Variants in EYS observed in about 807,000 individuals in gnomAD.
The protein encoded by EYS is EGF-like photoreceptor maintenance factor, also known as protein eyes shut homolog.
EYS carries 250 observed loss-of-function variants against 282.1 expected under a neutral mutation model. The ratio of observed to expected loss-of-function variants is 0.89; its 90% CI spans 0.80 to 0.98. EYS has a LOEUF of 0.98. EYS is among the 50% of genes least tolerant of loss of function. EYS has a pLI of 0.00. For missense variants in EYS, 4,016 were observed against 3,709.0 expected (o/e 1.08, Z -2.15); for synonymous variants, 1,355 against 1,282.9 (o/e 1.06, Z -1.20).
Position 64,596,285 on chromosome 6 carries a change from C to T in EYS, c.3685-2976G>A, listed in dbSNP as rs1198061021. 2.6e-5 allele frequency among the ~76,000 whole-genome samples: 4 copies of T among 152,056 alleles called. 1 individual carries two copies. The highest frequency in any genetic ancestry group is 2.6e-4 in the Admixed American group (4 of 15,248). Reference sequence around the variant, plus strand: ...TATTCAAACTTTATGAATGACCATGCTATTCAAAGCAATCTACAGATTCAA... The same window carrying T: ...TATTCAAACTTTATGAATGACCATGTTATTCAAAGCAATCTACAGATTCAA... On this transcript the variant is annotated intron_variant, in intron 24 of 42. Coordinates refer to ENST00000503581, the MANE Select transcript of EYS (RefSeq NM_001142800.2).
At chr6:65,690,817 G>A (rs1293502355) in intron 1 of EYS, among the ~76,000 whole-genome samples, 2 of 149,802 alleles carry the variant, frequency 1.3e-5, no homozygotes, top group Non-Finnish European at 3.0e-5. Context: ...TCACTTATGA[G>A]TGAGAACATG....
chr6:65,680,136 A>T (rs1446225549), intron 1 of EYS, among the ~76,000 whole-genome samples: 1 of 151,134 alleles, frequency 6.6e-6, no homozygotes, highest in Non-Finnish European at 1.5e-5. Flanking sequence ...TTCTCAATCA[A>T]TATAAGTTAC....
chr6:63,889,352 A>G (rs528997920), intron 35 of EYS, among the ~76,000 whole-genome samples: 4 of 152,298 alleles, frequency 2.6e-5, no homozygotes, highest in Admixed American at 2.6e-4. Flanking sequence ...AATAAGGGAA[A>G]AGATGTTAAG....
At chr6:64,137,795 A>T (rs978128593) in intron 31 of EYS, among the ~76,000 whole-genome samples, 1 of 152,200 alleles carries the variant, frequency 6.6e-6, no homozygotes, top group Non-Finnish European at 1.5e-5. Context: ...ATATACTAAT[A>T]CTGGTAAAGT....
In EYS at chr6:64,818,041, T is replaced by C. The variant is rs190777873; in HGVS notation, c.3243+3604A>G. On this transcript the variant is annotated intron_variant, in intron 21 of 42. Transcript: ENST00000503581. ...TGAGAAAGTCACGATTTTTAAATTC[T>C]GTAATTAGTTTTTTCCATTTCAGTA... Among the ~76,000 whole-genome samples the C allele has an allele frequency of 3.8e-3, 585 of 152,304 alleles. 2 individuals carry two copies. Among genetic ancestry groups the C allele is most frequent in the Non-Finnish European group, 6.1e-3 (415 of 68,030 alleles).
At chr6:64,423,992 A>G (rs926114940) in intron 28 of EYS, among the ~76,000 whole-genome samples, 1 of 152,148 alleles carries the variant, frequency 6.6e-6, no homozygotes, top group Non-Finnish European at 1.5e-5. Context: ...TTAACCTTTC[A>G]TTTTGCATTC....
chr6:64,080,796 C>T (rs976119501), intron 32 of EYS, among the ~76,000 whole-genome samples: 6 of 151,924 alleles, frequency 3.9e-5, no homozygotes, highest in Admixed American at 2.6e-4. Flanking sequence ...TTTCCCAGCA[C>T]CATTTATTAA....
intron 29 of EYS, among the ~76,000 whole-genome samples, chr6:64,354,679 T>C (rs1771764422): frequency 6.6e-6 from 1 of 151,578 alleles, no homozygotes; most frequent in South Asian, 2.1e-4. Flanking sequence ...CTATGTAGAT[T>C]AGTTTGAAAC....
chr6:65,391,735 G>A (rs1766042594), intron 7 of EYS, among the ~76,000 whole-genome samples: 1 of 152,062 alleles, frequency 6.6e-6, no homozygotes, highest in Non-Finnish European at 1.5e-5. Context: ...CATGAAAATG[G>A]CCATACTGCC....
intron 29 of EYS, among the ~76,000 whole-genome samples, chr6:64,311,251 G>A (rs1252134566): frequency 8.6e-5 from 13 of 151,968 alleles, no homozygotes; most frequent in Non-Finnish European, 1.5e-5. Context: ...TCTGGGACAG[G>A]AGTCTTAAAA....
At chr6:64,846,241 A>G (rs1413126651) in intron 19 of EYS, among the ~76,000 whole-genome samples, 2 of 152,178 alleles carry the variant, frequency 1.3e-5, no homozygotes, top group Non-Finnish European at 2.9e-5. Context: ...GCCTTTCATT[A>G]AAACATTGCA....
intron 22 of EYS, among the ~76,000 whole-genome samples, chr6:64,693,946 A>C (rs967687768): frequency 2.0e-5 from 3 of 152,186 alleles, no homozygotes; most frequent in Non-Finnish European, 4.4e-5. Flanking sequence ...ATTAAAAGGC[A>C]ATCAATCCTA....
chr6:65,611,509 C>T (rs1438588465), intron 2 of EYS, among the ~76,000 whole-genome samples: 3 of 151,410 alleles, frequency 2.0e-5, no homozygotes, highest in African/African-American at 2.4e-5. Context: ...TCCTTAAAGC[C>T]CTAAGTCATG....
chr6:65,233,709 T>C (rs1233535950), intron 12 of EYS, among the ~76,000 whole-genome samples: 1 of 152,164 alleles, frequency 6.6e-6, no homozygotes, highest in Non-Finnish European at 1.5e-5. Flanking sequence ...TCCAGAAAGC[T>C]GAGGATAAGT....
In EYS at chr6:64,167,325, A is replaced by C. The variant is rs116869264; in HGVS notation, c.6424+63267T>G. On this transcript the variant is annotated intron_variant, in intron 31 of 42. Transcript: ENST00000503581. ...GAGTCTCGAGCTATCTTAATGTCAG[A>C]CAATAAGGATTGTGATTGTGATGAT... is the stretch of plus-strand genomic sequence containing the variant. 4.5e-4 allele frequency among the ~76,000 whole-genome samples: 68 copies of C among 152,324 alleles called. 1 individual carries two copies. The East Asian group carries it at 0.012, about 28-fold the overall frequency.
intron 28 of EYS, among the ~76,000 whole-genome samples, chr6:64,389,372 T>A (rs1439643857): frequency 3.3e-5 from 5 of 152,210 alleles, no homozygotes; most frequent in African/African-American, 1.2e-4. Context: ...AATTTCCATA[T>A]GCCCATTCTT....
chr6:64,770,831 T>C (rs1225953820), intron 22 of EYS, among the ~76,000 whole-genome samples: 1 of 151,894 alleles, frequency 6.6e-6, no homozygotes, highest in Non-Finnish European at 1.5e-5. Flanking sequence ...TCTGTGACAT[T>C]AGAGCCCGTC....
At chr6:64,297,701 G>T (rs578176118) in intron 30 of EYS, among the ~76,000 whole-genome samples, 6 of 152,114 alleles carry the variant, frequency 3.9e-5, no homozygotes, top group Non-Finnish European at 7.4e-5. Flanking sequence ...GATAGAGCTG[G>T]GTGTGATGGC....
chr6:63,796,617 T>G (rs1770651356), intron 37 of EYS, among the ~76,000 whole-genome samples: 1 of 152,206 alleles, frequency 6.6e-6, no homozygotes, highest in South Asian at 2.1e-4. Context: ...TATCATTTAT[T>G]AAATTTAATT....
Sources: gnomAD v4.1 joint callset for allele counts (sites outside exome capture counted in the v4.1 genomes callset) on GRCh38, gnomAD v4.1.1 for gene constraint, MANE v1.5 for transcripts, NCBI Gene and HGNC (gene_info 2026-07-23, HGNC 2026-07-21) for gene names.